The following VWF variants were observed in gnomAD, a reference collection of about 807,000 sequenced individuals.
VWF encodes Factor VIII related antigen.
In VWF, 176 loss-of-function variants were observed where a neutral mutation model predicts 308.6. That is an observed-to-expected ratio of 0.57 (90% CI 0.50 to 0.65). The LOEUF (loss-of-function observed/expected upper bound fraction) is 0.65. VWF is among the 30% of genes least tolerant of loss of function. The pLI is 0.00. For missense variants in VWF, 3,146 were observed against 3,648.2 expected, an observed-to-expected ratio of 0.86 and a Z score of 3.55; for synonymous variants, 1,385 against 1,443.4, an observed-to-expected ratio of 0.96 and a Z score of 0.92.
intron 22 of VWF, among the ~76,000 whole-genome samples, chr12:6,026,729 T>G (rs1287264731): frequency 6.6e-6 from 1 of 152,180 alleles, no homozygotes; most frequent in African/African-American, 2.4e-5. Context: ...ATCAACAGTT[T>G]ATTGTATATT....
intron 15 of VWF, among the ~76,000 whole-genome samples, chr12:6,055,756 ATG>A (rs1165796112): frequency 5.0e-5 from 6 of 120,838 alleles, no homozygotes; most frequent in Admixed American, 1.9e-4. Context: ...ATATATATAT[ATG>A]TATACACACA....
chr12:6,042,170 C>T (rs552352885), intron 18 of VWF, among the ~76,000 whole-genome samples: 28 of 152,310 alleles, frequency 1.8e-4, no homozygotes, highest in African/African-American at 6.7e-4. Flanking sequence ...CCTGACGGGT[C>T]TGCCCTCTGC....
chr12:6,008,632 C>T (rs1372540001), intron 34 of VWF, among the ~76,000 whole-genome samples: 2 of 152,198 alleles, frequency 1.3e-5, no homozygotes, highest in Non-Finnish European at 2.9e-5. Flanking sequence ...CCCACTCTCA[C>T]CACTTCTATT....
intron 20 of VWF, among the ~76,000 whole-genome samples, chr12:6,031,850 G>A (rs1944267703): frequency 6.6e-6 from 1 of 151,768 alleles, no homozygotes; most frequent in African/African-American, 2.4e-5. Flanking sequence ...GGGAAGGAAG[G>A]TGACATGTGG....
In VWF at chr12:6,058,836, C is replaced by A. The variant is rs185326443; in HGVS notation, c.1534-792G>T. ...TGAGCCCAAAGTGCACATTCGGGAA[C>A]AACCAGCAGAGTGGAGCCCGCCCTT... On this transcript the variant is annotated intron_variant, in intron 13 of 51. Coordinates refer to ENST00000261405, the MANE Select transcript of VWF (RefSeq NM_000552.5). The surrounding 1 kb of genome is among the most constrained non-coding windows in gnomAD (Gnocchi z 4.9). Among the ~76,000 whole-genome samples, 734 of 152,328 alleles carry A rather than the reference C, an allele frequency of 4.8e-3. 10 individuals carry two copies. Among genetic ancestry groups the A allele is most frequent in the African/African-American group, 0.017 (696 of 41,570 alleles).
At chr12:6,041,055 G>C (rs1210434771) in intron 18 of VWF, among the ~76,000 whole-genome samples, 1 of 152,198 alleles carries the variant, frequency 6.6e-6, no homozygotes, top group East Asian at 1.9e-4. Context: ...AAATTTGGCA[G>C]AGTCATGTTA....
At position 5,971,608 on chromosome 12, in the gene VWF, G is replaced by C; in HGVS notation, c.7539C>G (p.Ser2513=). Reference sequence around the variant, plus strand: ...GGGGGCCTGGACCTACACTCTTCCAGGAAGACTGGGAGTCCCCCCGCGGTG... The same window carrying C: ...GGGGGCCTGGACCTACACTCTTCCACGAAGACTGGGAGTCCCCCCGCGGTG... ...TGSPRGDSQS[S]WKSVGSQWAS... The change falls in exon 44 of 52, where the codon TCC becomes TCG. Residue 2513 remains serine, a synonymous_variant. Coordinates refer to ENST00000261405, the MANE Select transcript of VWF (RefSeq NM_000552.5). The C allele has an allele frequency of 6.2e-7, 1 of 1,614,104 alleles. No homozygotes were observed. The highest frequency in any genetic ancestry group is 1.1e-5 in the South Asian group (1 of 91,090).
At chr12:5,964,235 C>A (rs186470363) in intron 47 of VWF, among the ~76,000 whole-genome samples, 11 of 145,824 alleles carry the variant, frequency 7.5e-5, no homozygotes, top group African/African-American at 3.0e-4. Flanking sequence ...TACATACATA[C>A]ATACATACAT....
intron 34 of VWF, among the ~76,000 whole-genome samples, chr12:5,996,705 G>A (rs1381155254): frequency 7.3e-6 from 1 of 137,246 alleles, no homozygotes; most frequent in Non-Finnish European, 1.5e-5. Flanking sequence ...TGACCATGTT[G>A]ACTTAATCCC....
intron 38 of VWF, among the ~76,000 whole-genome samples, chr12:5,990,868 T>C (rs1454429532): frequency 3.2e-5 from 1 of 31,456 alleles, no homozygotes; most frequent in Middle Eastern, 0.023. Context: ...CCCATAGAGC[T>C]AAAAAAAAAA....
chr12:6,056,374 T>C (rs937953061), intron 15 of VWF, among the ~76,000 whole-genome samples: 1 of 149,356 alleles, frequency 6.7e-6, no homozygotes, highest in South Asian at 2.1e-4. Flanking sequence ...GTAATTCACC[T>C]TTAGGTAACT....
chr12:6,117,419 G>T (rs74695238), intron 3 of VWF, among the ~76,000 whole-genome samples: 2 of 152,336 alleles, frequency 1.3e-5, no homozygotes, highest in East Asian at 3.9e-4. Context: ...GAAATGCCTG[G>T]GGGCCCAGCA....
chr12:6,026,185 G>C (rs1057506771), intron 22 of VWF, 139 bp from the exon 23 acceptor site: 29 of 1,204,518 alleles, frequency 2.4e-5, no homozygotes, highest in Non-Finnish European at 3.1e-5. Context: ...CAGAGACTCA[G>C]AGGAGGCCCG....
intron 42 of VWF, 140 bp downstream of exon 42, chr12:5,981,646 C>G (rs1485709105): frequency 4.0e-6 from 4 of 1,002,410 alleles, no homozygotes; most frequent in Non-Finnish European, 6.1e-6. Flanking sequence ...GCAAATCTTC[C>G]ATGAGGAGCA....
At chr12:5,999,548 T>C (rs1379356514) in intron 34 of VWF, among the ~76,000 whole-genome samples, 2 of 151,132 alleles carry the variant, frequency 1.3e-5, no homozygotes, top group East Asian at 3.9e-4. Context: ...GGAGGGTCAC[T>C]GAACCAGAAA....
chr12:5,984,750 T>C (rs1943658528), intron 40 of VWF, among the ~76,000 whole-genome samples: 1 of 152,214 alleles, frequency 6.6e-6, no homozygotes, highest in Non-Finnish European at 1.5e-5. Flanking sequence ...TGAAAATGGG[T>C]TGCTTTGGCA....
intron 47 of VWF, among the ~76,000 whole-genome samples, chr12:5,955,926 GC>G (rs2136342395): frequency 6.6e-6 from 1 of 152,242 alleles, no homozygotes; most frequent in South Asian, 2.1e-4. Context: ...CCAAACTGAA[GC>G]ATAGAGAGGA....
At chr12:5,963,022 T>C (rs985032085) in intron 47 of VWF, among the ~76,000 whole-genome samples, 1 of 152,172 alleles carries the variant, frequency 6.6e-6, no homozygotes, top group African/African-American at 2.4e-5. Flanking sequence ...CTATAATGCT[T>C]CTAAAAGAAA....
intron 16 of VWF, among the ~76,000 whole-genome samples, chr12:6,047,958 G>C (rs772231616): frequency 6.6e-6 from 1 of 152,158 alleles, no homozygotes; most frequent in Non-Finnish European, 1.5e-5. Flanking sequence ...AGAAGGGCGG[G>C]GATAGCAGGT....
Sources: allele counts gnomAD v4.1 joint callset (sites outside exome capture counted in the v4.1 genomes callset), GRCh38; gene constraint gnomAD v4.1.1; non-coding constraint Gnocchi (gnomAD v3.1); transcripts MANE v1.5; gene names NCBI Gene and HGNC (gene_info 2026-07-23, HGNC 2026-07-21).